VAV3: variants seen among roughly 807,000 people sequenced by gnomAD.
VAV3 encodes vav guanine nucleotide exchange factor 3, also known as guanine nucleotide exchange factor VAV3.
A neutral mutation model predicts 131.2 loss-of-function variants in VAV3; 94 were observed. That is an observed-to-expected ratio of 0.72 (90% CI 0.61 to 0.85). VAV3 has a LOEUF of 0.85. VAV3 is among the 40% of genes least tolerant of loss of function. The pLI is 0.00. For synonymous variants in VAV3, 349 were observed against 342.0 expected (o/e 1.02, Z -0.22); for missense variants, 939 against 1,002.7 (o/e 0.94, Z 0.86).
At chr1:107,954,764 T>TGGGGGCGGGGGGGG (rs374683501) in intron 1 of VAV3, among the ~76,000 whole-genome samples, 1 of 133,050 alleles carries the variant, frequency 7.5e-6, no homozygotes, top group African/African-American at 3.3e-5. Flanking sequence ...GAAAATACCA[T>TGGGGGCGGGGGGGG]GGGAGGGGGG....
intron 1 of VAV3, among the ~76,000 whole-genome samples, chr1:107,875,366 G>A (rs147860345): frequency 3.3e-5 from 5 of 152,164 alleles, no homozygotes; most frequent in Non-Finnish European, 4.4e-5. Context: ...CAGGAGAGTT[G>A]GTGGGGCTGG....
At chr1:107,623,481 G>GC (rs1226436360) in intron 20 of VAV3, among the ~76,000 whole-genome samples, 2 of 152,090 alleles carry the variant, frequency 1.3e-5, no homozygotes, top group Non-Finnish European at 2.9e-5. Context: ...CAGTAAACTT[G>GC]CTAAGCCGCA....
rs558870923 is a variant in VAV3 at position 107,688,511 on chromosome 1, T to G, written c.1706-105A>C. 111 of 1,575,016 alleles carry G rather than the reference T, an allele frequency of 7.0e-5. 1 individual carries two copies. The South Asian group carries it at 1.2e-3, about 17-fold the overall frequency. On this transcript the variant is annotated intron_variant, in intron 17 of 26. Transcript: ENST00000370056. ...GGTAAAACACCACTGCTTTGTTTTCTTAACTGATACCTGTAATATATTTCC... is the reference window on the plus strand; with the variant it reads ...GGTAAAACACCACTGCTTTGTTTTCGTAACTGATACCTGTAATATATTTCC...
At chr1:107,848,481 C>T (rs1412980003) in intron 2 of VAV3, among the ~76,000 whole-genome samples, 2 of 152,016 alleles carry the variant, frequency 1.3e-5, no homozygotes, top group African/African-American at 4.8e-5. Flanking sequence ...AACAACCAAC[C>T]ACATGATTAT....
chr1:107,700,321 A>G (rs931489785), intron 17 of VAV3, among the ~76,000 whole-genome samples: 1 of 152,222 alleles, frequency 6.6e-6, no homozygotes, highest in African/African-American at 2.4e-5. Flanking sequence ...TTTAAGTTCC[A>G]GGGTACATGT....
At chr1:107,743,564 C>T (rs1160595834) in intron 15 of VAV3, among the ~76,000 whole-genome samples, 1 of 152,146 alleles carries the variant, frequency 6.6e-6, no homozygotes, top group Non-Finnish European at 1.5e-5. Context: ...AATTCAATTG[C>T]AATGGCTCCC....
At chr1:107,932,017 A>G (rs1462939122) in intron 1 of VAV3, among the ~76,000 whole-genome samples, 2 of 152,226 alleles carry the variant, frequency 1.3e-5, no homozygotes, top group African/African-American at 2.4e-5. Context: ...AGCATAGCAC[A>G]ACGATAGCTC....
At chr1:107,958,340 G>C (rs1394472601) in intron 1 of VAV3, among the ~76,000 whole-genome samples, 1 of 152,132 alleles carries the variant, frequency 6.6e-6, no homozygotes, top group Non-Finnish European at 1.5e-5. Context: ...TGGAATTCAT[G>C]CCTCAATGCT....
intron 21 of VAV3, 113 bp from the exon 22 acceptor site, chr1:107,610,078 C>T: frequency 4.7e-6 from 4 of 843,812 alleles, no homozygotes; most frequent in Non-Finnish European, 7.8e-6. Context: ...GTGGCACAGT[C>T]CTGGAACTAT....
intron 2 of VAV3, among the ~76,000 whole-genome samples, chr1:107,830,009 A>G (rs1028728913): frequency 3.9e-5 from 6 of 152,198 alleles, no homozygotes; most frequent in African/African-American, 1.4e-4. Context: ...CATGTTAATG[A>G]GCAAAACTAC....
intron 17 of VAV3, among the ~76,000 whole-genome samples, chr1:107,704,040 T>TA (rs1557776243): frequency 6.6e-6 from 1 of 152,158 alleles, no homozygotes; most frequent in Non-Finnish European, 1.5e-5. Context: ...ACCCAAAAGA[T>TA]ATATGCTCTT....
intron 2 of VAV3, chr1:107,785,320 A>T: frequency 1.2e-6 from 1 of 848,414 alleles, no homozygotes; most frequent in Non-Finnish European, 1.6e-6. Flanking sequence ...AAAAGTTGCT[A>T]ATTAATTATG....
chr1:107,620,427 GTGCAGTAACA>G (rs1307980719), intron 20 of VAV3, among the ~76,000 whole-genome samples: 1 of 152,064 alleles, frequency 6.6e-6, no homozygotes, highest in Non-Finnish European at 1.5e-5. Context: ...ACAATATTCA[GTGCAGTAACA>G]TGCGATACAG....
intron 19 of VAV3, among the ~76,000 whole-genome samples, chr1:107,682,633 A>G (rs929799268): frequency 2.0e-5 from 3 of 152,206 alleles, no homozygotes; most frequent in African/African-American, 7.2e-5. Flanking sequence ...CAATGCTACC[A>G]TGGGTGTGGT....
rs66909735 is a variant in VAV3, at chr1:107,681,654, C to CT, written c.1777+1833dup. Reference sequence around the variant, plus strand: ...TACATTTATTATACGTAATGGAAAACTTTTTTTTTTTTTTTTTTGAGACAG... The same window carrying CT: ...TACATTTATTATACGTAATGGAAAACTTTTTTTTTTTTTTTTTTTGAGACAG... On this transcript the variant is annotated intron_variant, in intron 19 of 26. Transcript: ENST00000370056. Among the ~76,000 whole-genome samples the CT allele has an allele frequency of 1.9e-3, 243 of 127,434 alleles. 1 individual carries two copies. Among genetic ancestry groups the CT allele is most frequent in the Middle Eastern group, 8.4e-3 (2 of 238 alleles). 83.6% of individuals were successfully genotyped at this position (127,434 alleles called of 152,430 possible). A position where few individuals can be genotyped will look rare whatever the true frequency, so the allele number is the denominator to read the frequency against.
At chr1:107,753,219 T>G (rs1359197742) in intron 12 of VAV3, among the ~76,000 whole-genome samples, 1 of 151,862 alleles carries the variant, frequency 6.6e-6, no homozygotes, top group African/African-American at 2.4e-5. Context: ...AAATGGCAAA[T>G]ATTGTATGAT....
At chr1:107,699,973 G>C (rs537585499) in intron 17 of VAV3, among the ~76,000 whole-genome samples, 1 of 152,136 alleles carries the variant, frequency 6.6e-6, no homozygotes, top group Non-Finnish European at 1.5e-5. Flanking sequence ...ACACACCAAA[G>C]GTTATGAGGC....
chr1:107,739,002 TA>T (rs1557809447), intron 15 of VAV3, among the ~76,000 whole-genome samples: 1 of 152,202 alleles, frequency 6.6e-6, no homozygotes, highest in Non-Finnish European at 1.5e-5. Flanking sequence ...AAGGCTCTGT[TA>T]TAAAGCCTCA....
At chr1:107,576,284 T>G in intron 25 of VAV3, 1 of 875,340 alleles carries the variant, frequency 1.1e-6, no homozygotes, top group South Asian at 2.2e-5. Context: ...ACTCGAGGGA[T>G]TGTCTGTGAG....
Sources: allele counts gnomAD v4.1 joint callset (sites outside exome capture counted in the v4.1 genomes callset), GRCh38; gene constraint gnomAD v4.1.1; transcripts MANE v1.5; gene names NCBI Gene and HGNC (gene_info 2026-07-23, HGNC 2026-07-21).